The following CERT1 variants were observed in gnomAD, a reference collection of about 807,000 sequenced individuals.
CERT1 encodes ceramide transfer protein.
CERT1 carries 31 observed loss-of-function variants against 87.9 expected under a neutral mutation model. The ratio of observed to expected loss-of-function variants is 0.35; its 90% confidence interval spans 0.27 to 0.48. The LOEUF (loss-of-function observed/expected upper bound fraction) is 0.48, where lower values mean the gene tolerates loss of function less well. CERT1 is among the 20% of genes least tolerant of loss of function. CERT1 has a pLI of 0.99. For synonymous variants in CERT1, 289 were observed against 250.9 expected (o/e 1.15, Z -1.44); for missense variants, 487 against 758.0 (o/e 0.64, Z 4.20).
At chr5:75,468,669 GC>G (rs1243190755) in intron 2 of CERT1, among the ~76,000 whole-genome samples, 1 of 152,138 alleles carries the variant, frequency 6.6e-6, no homozygotes, top group Non-Finnish European at 1.5e-5. Context: ...AGCTGTGCCA[GC>G]CGTGGTAACA....
At chr5:75,469,904 G>GA (rs1765636080) in intron 2 of CERT1, among the ~76,000 whole-genome samples, 1 of 152,032 alleles carries the variant, frequency 6.6e-6, no homozygotes, top group Middle Eastern at 3.2e-3. Flanking sequence ...GAAACCAAAA[G>GA]ACAGTAGGAA....
downstream of CERT1, chr5:75,374,034 T>G: frequency 2.5e-6 from 1 of 398,716 alleles, no homozygotes. Flanking sequence ...TGTTAGATGT[T>G]CAGCTTTGCT....
At chr5:75,405,743 T>G (rs1294119629) in intron 8 of CERT1, among the ~76,000 whole-genome samples, 1 of 152,198 alleles carries the variant, frequency 6.6e-6, no homozygotes, top group South Asian at 2.1e-4. Flanking sequence ...AATACAGTAC[T>G]ATAATTGTTC....
rs1761454156 is a variant in CERT1 at position 75,379,227 on chromosome 5, A to G, written c.*119T>C. ...ACAAAAACCAACGAAACAATACTCT[A>G]TAGGGGAACATCAAAAAACATAGTA... On this transcript the variant is annotated 3_prime_UTR_variant, in exon 17 of 17. Transcript: ENST00000643780. The G allele has an allele frequency of 8.9e-6, 8 of 897,032 alleles. No individual in the cohort carries two copies. The highest frequency in any genetic ancestry group is 1.2e-5 in the Non-Finnish European group (7 of 579,062). The allele number at this position is 897,032 out of a possible 1,614,324, so 55.6% of individuals were successfully genotyped here.
At chr5:75,459,322 T>G (rs1043404323) in intron 2 of CERT1, 141 bp from the exon 3 acceptor site, 1 of 600,776 alleles carries the variant, frequency 1.7e-6, no homozygotes. Context: ...AAATAACTTG[T>G]CTGAAGATAA....
At chr5:75,396,034 T>A (rs1762240815) in intron 11 of CERT1, among the ~76,000 whole-genome samples, 1 of 152,198 alleles carries the variant, frequency 6.6e-6, no homozygotes, top group Non-Finnish European at 1.5e-5. Flanking sequence ...TGTACATATT[T>A]TATTTTAAGC....
intron 2 of CERT1, among the ~76,000 whole-genome samples, chr5:75,485,444 T>G (rs1464167759): frequency 6.7e-6 from 1 of 149,838 alleles, no homozygotes; most frequent in Non-Finnish European, 1.5e-5. Flanking sequence ...AACCTTCAAA[T>G]AGACAACCTA....
chr5:75,449,324 T>C lies in CERT1; in HGVS notation c.348+9741A>G, dbSNP rs533458923. Reference sequence around the variant, plus strand: ...AAGAAATAATAGGATGAAACAGATATATTAATTGTAGCTGAGGGCAGGTGA... The same window carrying C: ...AAGAAATAATAGGATGAAACAGATACATTAATTGTAGCTGAGGGCAGGTGA... On this transcript the variant is annotated intron_variant, in intron 3 of 16. Transcript: ENST00000643780. Among the ~76,000 whole-genome samples, 5 of 152,300 alleles carry C rather than the reference T, an allele frequency of 3.3e-5. No individual in the cohort carries two copies. In the East Asian group the frequency reaches 9.6e-4, roughly 29 times the overall value.
chr5:75,477,438 A>G (rs562686698), intron 2 of CERT1, among the ~76,000 whole-genome samples: 1 of 152,128 alleles, frequency 6.6e-6, no homozygotes, highest in African/African-American at 2.4e-5. Flanking sequence ...TTTCCATGAA[A>G]CTACATCCCA....
chr5:75,384,580 A>T (rs1279971731), intron 14 of CERT1, 62 bp downstream of exon 14: 1 of 1,161,558 alleles, frequency 8.6e-7, no homozygotes, highest in Non-Finnish European at 1.3e-6. Flanking sequence ...ACTTTAGAGA[A>T]TCTATATGTC....
chr5:75,462,408 T>C (rs1249629538), intron 2 of CERT1, among the ~76,000 whole-genome samples: 6 of 152,096 alleles, frequency 3.9e-5, no homozygotes, highest in African/African-American at 1.4e-4. Context: ...CATAAATAGT[T>C]CACGATAGGG....
At chr5:75,374,409 CAA>C (rs1299033305), downstream of CERT1, 3 of 556,598 alleles carry the variant, frequency 5.4e-6, no homozygotes, top group East Asian at 2.9e-5. Context: ...TGGAATTTTT[CAA>C]AAGTTAGAAA....
chr5:75,499,040 T>C (rs1369158928), intron 2 of CERT1, among the ~76,000 whole-genome samples: 1 of 152,146 alleles, frequency 6.6e-6, no homozygotes, highest in Non-Finnish European at 1.5e-5. Context: ...AAGGAGATCA[T>C]TTTGGACCTT....
chr5:75,390,814 C>T (rs1762000465), intron 11 of CERT1, among the ~76,000 whole-genome samples: 1 of 152,154 alleles, frequency 6.6e-6, no homozygotes, highest in East Asian at 1.9e-4. Context: ...AACTTCCCCC[C>T]TACCCGCCAG....
chr5:75,412,797 G>GGTGA (rs1019765703), intron 7 of CERT1, among the ~76,000 whole-genome samples: 3 of 152,084 alleles, frequency 2.0e-5, no homozygotes, highest in Non-Finnish European at 2.9e-5. Context: ...AGTTCCTCAG[G>GGTGA]GTGAGTGAGT....
At chr5:75,448,315 G>A (rs1401090175) in intron 3 of CERT1, among the ~76,000 whole-genome samples, 2 of 152,136 alleles carry the variant, frequency 1.3e-5, no homozygotes, top group Non-Finnish European at 2.9e-5. Context: ...ATCATTATTT[G>A]CCTATGAAGT....
chr5:75,384,060 T>C (rs1761691107), intron 14 of CERT1, among the ~76,000 whole-genome samples: 1 of 152,218 alleles, frequency 6.6e-6, no homozygotes, highest in Admixed American at 6.5e-5. Flanking sequence ...TACTTTTATA[T>C]CTATTAGTCT....
At chr5:75,459,311 C>T in intron 2 of CERT1, 130 bp from the exon 3 acceptor site, 2 of 601,652 alleles carry the variant, frequency 3.3e-6, no homozygotes, top group Middle Eastern at 6.7e-4. Context: ...TTTTTCTGCT[C>T]AAATAACTTG....
At chr5:75,380,632 C>G (rs560756710) in intron 16 of CERT1, among the ~76,000 whole-genome samples, 1 of 151,768 alleles carries the variant, frequency 6.6e-6, no homozygotes, top group South Asian at 2.1e-4. Context: ...ACTAAAAATA[C>G]AAAAAACTAG....
Sources: allele counts gnomAD v4.1 joint callset (sites outside exome capture counted in the v4.1 genomes callset), GRCh38; gene constraint gnomAD v4.1.1; transcripts MANE v1.5; gene names NCBI Gene and HGNC (gene_info 2026-07-23, HGNC 2026-07-21).